IDE: variants seen among roughly 807,000 people sequenced by gnomAD.
IDE encodes insulin-degrading enzyme.
In IDE, 58 loss-of-function variants were observed where a neutral mutation model predicts 133.2. That is an observed-to-expected ratio of 0.44 (90% confidence interval 0.35 to 0.54). IDE has a LOEUF of 0.54. Among genes scored for constraint, IDE ranks in the 20% least tolerant of loss-of-function variants. The pLI, the probability that IDE is intolerant of heterozygous loss-of-function variation, is 0.00. For missense variants in IDE, 981 were observed against 1,234.0 expected, an observed-to-expected ratio of 0.79 and a Z score of 3.07; for synonymous variants, 396 against 421.3, an observed-to-expected ratio of 0.94 and a Z score of 0.73.
chr10:92,532,267 CA>C (rs59732643), intron 3 of IDE, among the ~76,000 whole-genome samples: 9,049 of 104,764 alleles, frequency 0.086, 874 homozygotes, highest in African/African-American at 0.26. Flanking sequence ...GCTAATGCTC[CA>C]AAAAAAAAAA....
chr10:92,454,967 T>C (rs1844914618), intron 24 of IDE, among the ~76,000 whole-genome samples: 1 of 152,108 alleles, frequency 6.6e-6, no homozygotes, highest in Non-Finnish European at 1.5e-5. Flanking sequence ...GCAGGTAACA[T>C]GGGAGAGACT....
At chr10:92,560,224 T>A (rs781566243) in intron 1 of IDE, among the ~76,000 whole-genome samples, 13 of 152,198 alleles carry the variant, frequency 8.5e-5, no homozygotes. Context: ...TAAAAGTCTG[T>A]TAGTTTAACC....
At chr10:92,472,362 T>G (rs1846010474) in intron 17 of IDE, among the ~76,000 whole-genome samples, 1 of 152,232 alleles carries the variant, frequency 6.6e-6, no homozygotes, top group African/African-American at 2.4e-5. Context: ...CATTTAAAAT[T>G]AATTGTGTGG....
At chr10:92,500,626 C>A (rs1847954277) in intron 11 of IDE, among the ~76,000 whole-genome samples, 1 of 152,160 alleles carries the variant, frequency 6.6e-6, no homozygotes, top group Non-Finnish European at 1.5e-5. Context: ...GGAACTATAT[C>A]TGGACTCTGT....
At chr10:92,524,536 ATT>A (rs1849518428) in intron 4 of IDE, among the ~76,000 whole-genome samples, 1 of 105,228 alleles carries the variant, frequency 9.5e-6, no homozygotes, top group African/African-American at 3.7e-5. Flanking sequence ...ATTATAATAT[ATT>A]TTATATTATA....
At chr10:92,533,228 T>C (rs780625685) in intron 3 of IDE, among the ~76,000 whole-genome samples, 5 of 152,206 alleles carry the variant, frequency 3.3e-5, no homozygotes, top group Non-Finnish European at 5.9e-5. Flanking sequence ...AGATCTATTA[T>C]ATGAACATCT....
intron 18 of IDE, among the ~76,000 whole-genome samples, chr10:92,469,930 GCTGT>G (rs966730919): frequency 2.0e-5 from 3 of 152,080 alleles, no homozygotes; most frequent in African/African-American, 7.2e-5. Context: ...TTGAATCCAG[GCTGT>G]CTAATTCTAC....
intron 11 of IDE, among the ~76,000 whole-genome samples, chr10:92,492,172 A>G (rs945849432): frequency 1.3e-4 from 19 of 151,880 alleles, no homozygotes; most frequent in Non-Finnish European, 2.5e-4. Flanking sequence ...AGGCAGGAGA[A>G]TGGCGTGAAC....
At chr10:92,473,661 T>C (rs965902709) in intron 17 of IDE, among the ~76,000 whole-genome samples, 1 of 152,008 alleles carries the variant, frequency 6.6e-6, no homozygotes, top group African/African-American at 2.4e-5. Flanking sequence ...TGTTAAGACT[T>C]TGAAGTTCAG....
At chr10:92,490,205 G>A (rs556126875) in intron 12 of IDE, among the ~76,000 whole-genome samples, 2 of 152,286 alleles carry the variant, frequency 1.3e-5, no homozygotes, top group African/African-American at 4.8e-5. Flanking sequence ...ATCGCTTCTT[G>A]CCTTTCTGGT....
chr10:92,513,389 C>T (rs1204020832), intron 5 of IDE, among the ~76,000 whole-genome samples: 3 of 152,202 alleles, frequency 2.0e-5, no homozygotes, highest in East Asian at 3.9e-4. Flanking sequence ...GATGGGGTTT[C>T]GCCATGTTGG....
chr10:92,512,158 T>A (rs187211109), intron 5 of IDE, among the ~76,000 whole-genome samples: 1 of 152,194 alleles, frequency 6.6e-6, no homozygotes. Flanking sequence ...AGATAATTAG[T>A]GCTTCCACAA....
At chr10:92,528,721 T>C (rs900886566) in intron 4 of IDE, among the ~76,000 whole-genome samples, 18 of 152,204 alleles carry the variant, frequency 1.2e-4, no homozygotes, top group Non-Finnish European at 2.9e-5. Flanking sequence ...GATAATACAA[T>C]GTGTGGTTTT....
At chr10:92,495,601 T>C (rs1359908764) in intron 11 of IDE, among the ~76,000 whole-genome samples, 1 of 152,156 alleles carries the variant, frequency 6.6e-6, no homozygotes, top group Non-Finnish European at 1.5e-5. Context: ...TCCACCCACC[T>C]TGGCCTCCTA....
intron 11 of IDE, among the ~76,000 whole-genome samples, chr10:92,494,183 T>C (rs969351599): frequency 6.6e-6 from 1 of 151,702 alleles, no homozygotes; most frequent in African/African-American, 2.4e-5. Context: ...TGCCTCAGTC[T>C]CTCAAGTAGC....
At chr10:92,456,780 A>G (rs992869674) in intron 22 of IDE, among the ~76,000 whole-genome samples, 4 of 132,506 alleles carry the variant, frequency 3.0e-5, no homozygotes, top group African/African-American at 1.1e-4. Flanking sequence ...CAAGTTTGCC[A>G]TGTGCCATGA....
At chr10:92,557,698 T>C (rs1564678685) in intron 1 of IDE, among the ~76,000 whole-genome samples, 1 of 151,838 alleles carries the variant, frequency 6.6e-6, no homozygotes, top group East Asian at 1.9e-4. Flanking sequence ...GAGACTAGCC[T>C]GGCGAAGATG....
intron 11 of IDE, among the ~76,000 whole-genome samples, chr10:92,499,018 G>A (rs1847872022): frequency 6.6e-6 from 1 of 152,090 alleles, no homozygotes; most frequent in African/African-American, 2.4e-5. Context: ...TATTTAAACT[G>A]TTTTACTTGC....
At chr10:92,534,886 A>G in intron 2 of IDE, 101 bp from the exon 3 acceptor site, 1 of 775,146 alleles carries the variant, frequency 1.3e-6, no homozygotes, top group Non-Finnish European at 2.1e-6. Flanking sequence ...CTCCAACTAT[A>G]TAATCAGAGA....
Sources: gnomAD v4.1 joint callset for allele counts (sites outside exome capture counted in the v4.1 genomes callset) on GRCh38, gnomAD v4.1.1 for gene constraint, MANE v1.5 for transcripts, NCBI Gene and HGNC (gene_info 2026-07-23, HGNC 2026-07-21) for gene names.